Variants in SOX5 observed in about 807,000 individuals in gnomAD.
The protein encoded by SOX5 is SRY-box transcription factor 5, also known as transcription factor SOX-5.
In SOX5, 9 loss-of-function variants were observed where a neutral mutation model predicts 92.0. The ratio of observed to expected loss-of-function variants is 0.10; its 90% CI spans 0.06 to 0.17. The LOEUF (loss-of-function observed/expected upper bound fraction) is 0.17. Among genes scored for constraint, SOX5 ranks in the 10% least tolerant of loss-of-function variants. The pLI is 1.00. For missense variants in SOX5, 642 were observed against 944.5 expected, an observed-to-expected ratio of 0.68 and a Z score of 4.20; for synonymous variants, 344 against 336.3, an observed-to-expected ratio of 1.02 and a Z score of -0.25.
intron 2 of SOX5, among the ~76,000 whole-genome samples, chr12:24,329,115 T>C (rs912042021): frequency 6.6e-6 from 1 of 152,218 alleles, no homozygotes; most frequent in Non-Finnish European, 1.5e-5. Context: ...AAGGTTTATA[T>C]TGTAAATAAT....
At chr12:23,745,784 T>G (rs2093962257) in intron 4 of SOX5, among the ~76,000 whole-genome samples, 1 of 152,098 alleles carries the variant, frequency 6.6e-6, no homozygotes, top group Non-Finnish European at 1.5e-5. Flanking sequence ...TAGATCTTTA[T>G]TATAGTATTG....
chr12:24,459,823 G>A (rs1466216214), intron 1 of SOX5, among the ~76,000 whole-genome samples: 1 of 152,030 alleles, frequency 6.6e-6, no homozygotes, highest in Non-Finnish European at 1.5e-5. Context: ...AGTAGAGAGT[G>A]GCCAGCTGCT....
intron 6 of SOX5, among the ~76,000 whole-genome samples, chr12:23,685,456 A>G (rs949195043): frequency 1.3e-5 from 2 of 152,136 alleles, no homozygotes; most frequent in African/African-American, 4.8e-5. Context: ...TGGCAACTTA[A>G]AATTTTAATT....
At chr12:24,455,669 A>G (rs920551386) in intron 1 of SOX5, among the ~76,000 whole-genome samples, 1 of 152,244 alleles carries the variant, frequency 6.6e-6, no homozygotes, top group South Asian at 2.1e-4. Flanking sequence ...TAGCATTCCA[A>G]TGAAGACTGA....
intron 4 of SOX5, among the ~76,000 whole-genome samples, chr12:24,174,491 T>G (rs1029799896): frequency 6.7e-6 from 1 of 148,704 alleles, no homozygotes; most frequent in African/African-American, 2.5e-5. Context: ...TTCCAGACAT[T>G]AGTAAGAATA....
chr12:23,636,272 G>A (rs897787414), intron 8 of SOX5, among the ~76,000 whole-genome samples: 2 of 152,132 alleles, frequency 1.3e-5, no homozygotes, highest in African/African-American at 4.8e-5. Context: ...TATATATGAT[G>A]ATTTTTAGAA....
At chr12:23,757,309 G>A (rs1019787230) in intron 3 of SOX5, among the ~76,000 whole-genome samples, 8 of 151,738 alleles carry the variant, frequency 5.3e-5, no homozygotes, top group Non-Finnish European at 7.4e-5. Flanking sequence ...AACTAATACC[G>A]AAAAATTTAC....
chr12:23,684,093 A>C (rs1016626481), intron 6 of SOX5, among the ~76,000 whole-genome samples: 1 of 151,876 alleles, frequency 6.6e-6, no homozygotes, highest in Non-Finnish European at 1.5e-5. Flanking sequence ...ATATACAATA[A>C]AGATTTCCAG....
chr12:23,976,305 T>C (rs1053126348), intron 4 of SOX5, among the ~76,000 whole-genome samples: 2 of 149,392 alleles, frequency 1.3e-5, no homozygotes, highest in African/African-American at 4.9e-5. Context: ...GAGAAATGGA[T>C]GTGCAGTCCC....
intron 2 of SOX5, among the ~76,000 whole-genome samples, chr12:24,307,520 C>G (rs183306524): frequency 1.0e-3 from 8 of 7,694 alleles, no homozygotes; most frequent in Non-Finnish European, 4.8e-3. Flanking sequence ...GAAGGAAGGC[C>G]GGCCCCCCCA....
intron 6 of SOX5, among the ~76,000 whole-genome samples, chr12:23,714,031 G>A (rs2092294569): frequency 2.0e-5 from 3 of 150,706 alleles, no homozygotes; most frequent in African/African-American, 7.3e-5. Flanking sequence ...GGCAGAGGTT[G>A]CAGTGAGCCG....
At chr12:24,243,337 G>A (rs906980126) in intron 3 of SOX5, among the ~76,000 whole-genome samples, 6 of 152,104 alleles carry the variant, frequency 3.9e-5, no homozygotes, top group African/African-American at 1.4e-4. Flanking sequence ...TGTGTATAGT[G>A]TTTAAAGTGT....
At chr12:23,733,851 G>A (rs2093482776) in intron 6 of SOX5, among the ~76,000 whole-genome samples, 1 of 152,144 alleles carries the variant, frequency 6.6e-6, no homozygotes, top group African/African-American at 2.4e-5. Flanking sequence ...GATGGATGAT[G>A]TCACATGGGG....
At chr12:24,069,400 A>G (rs914411104) in intron 4 of SOX5, among the ~76,000 whole-genome samples, 1 of 152,234 alleles carries the variant, frequency 6.6e-6, no homozygotes, top group Non-Finnish European at 1.5e-5. Context: ...ATCTAAAATT[A>G]GAGTGTAATA....
chr12:23,571,177 A>C (rs1948319209), intron 10 of SOX5, among the ~76,000 whole-genome samples: 1 of 150,510 alleles, frequency 6.6e-6, no homozygotes, highest in South Asian at 2.1e-4. Context: ...ATAATAAATA[A>C]ATAAAATAAA....
chr12:23,636,315 G>C (rs971113875), intron 8 of SOX5, among the ~76,000 whole-genome samples: 6 of 152,098 alleles, frequency 3.9e-5, no homozygotes, highest in Non-Finnish European at 7.4e-5. Flanking sequence ...ACACAGTAAG[G>C]TGATTTTTCT....
chr12:23,658,984 A>G (rs1403609707), intron 7 of SOX5, among the ~76,000 whole-genome samples: 1 of 152,186 alleles, frequency 6.6e-6, no homozygotes, highest in Non-Finnish European at 1.5e-5. Context: ...TACAAAGAAC[A>G]TACAGTATGG....
intron 7 of SOX5, among the ~76,000 whole-genome samples, chr12:23,658,210 A>G: frequency 6.6e-6 from 1 of 152,226 alleles, no homozygotes; most frequent in Middle Eastern, 3.2e-3. Context: ...CACAACAAAG[A>G]CATATCCCTT....
At chr12:24,240,998 G>C (rs1355479240) in intron 3 of SOX5, among the ~76,000 whole-genome samples, 6 of 152,122 alleles carry the variant, frequency 3.9e-5, no homozygotes, top group African/African-American at 1.4e-4. Flanking sequence ...AAGTGTGATG[G>C]TTTATATGTG....
Sources: allele counts gnomAD v4.1 joint callset (sites outside exome capture counted in the v4.1 genomes callset), GRCh38; gene constraint gnomAD v4.1.1; transcripts MANE v1.5; gene names NCBI Gene and HGNC (gene_info 2026-07-23, HGNC 2026-07-21).